RBM33: variants seen among roughly 807,000 people sequenced by gnomAD.
RBM33 encodes RNA-binding protein 33.
A neutral mutation model predicts 132.6 loss-of-function variants in RBM33; 28 were observed. The ratio of observed to expected loss-of-function variants is 0.21; its 90% CI spans 0.16 to 0.29. RBM33 has a LOEUF of 0.29. Among genes scored for constraint, RBM33 ranks in the 10% least tolerant of loss-of-function variants. RBM33 has a pLI of 1.00. For synonymous variants in RBM33, 634 were observed against 593.0 expected (o/e 1.07, Z -1.01); for missense variants, 1,291 against 1,518.5 (o/e 0.85, Z 2.49).
Position 155,666,176 on chromosome 7 carries a change from C to T in RBM33, c.122+923C>T, listed in dbSNP as rs182733598. Among the ~76,000 whole-genome samples, 769 of 152,278 alleles carry T rather than the reference C, an allele frequency of 5.0e-3. 3 individuals carry two copies. The highest frequency in any genetic ancestry group is 7.5e-3 in the Non-Finnish European group (510 of 68,016). On this transcript the variant is annotated intron_variant, in intron 2 of 17. Transcript: ENST00000401878. ...CGTGATTATGGAGACTGAGAAGTTA[C>T]ACGGTCTGTAGAATGGTGTAGTTCC...
At chr7:155,730,105 G>T (rs62482828) in intron 9 of RBM33, among the ~76,000 whole-genome samples, 1 of 152,320 alleles carries the variant, frequency 6.6e-6, no homozygotes, top group South Asian at 2.1e-4. Context: ...ATGACCGCCT[G>T]TGTGCCAGGC....
chr7:155,673,416 G>GA (rs1799004145), intron 3 of RBM33, among the ~76,000 whole-genome samples: 1 of 148,218 alleles, frequency 6.7e-6, no homozygotes, highest in Non-Finnish European at 1.5e-5. Context: ...GTGTGTGTGT[G>GA]TGTGTGTGTG....
At position 155,766,575 on chromosome 7, in the gene RBM33, G is replaced by C. The variant is rs781533270; in HGVS notation, c.3295G>C (p.Val1099Leu). The C allele has an allele frequency of 5.0e-5, 81 of 1,613,088 alleles. 1 individual carries two copies. The Admixed American group carries it at 1.3e-3, about 27-fold the overall frequency. The change falls in exon 16 of 18, where the codon GTG (valine) becomes CTG (leucine). Residue 1099 changes from valine to leucine, a missense_variant. This residue lies in a region of RBM33 where 55 missense variants were observed against 101.4 expected (regional missense o/e 0.54). Transcript: ENST00000401878. ...GGTGGAGTGCAAGCCCCAGCCCTGC[G>C]TGGTGTCTGTGGAGGGGCTGTCCTC... The part of the protein sequence containing the change: ...RVVECKPQPC[V>L]VSVEGLSSST...
intron 13 of RBM33, among the ~76,000 whole-genome samples, 181 bp from the exon 14 acceptor site, chr7:155,744,780 G>GTTT (rs67693680): frequency 2.0e-5 from 3 of 151,952 alleles, no homozygotes; most frequent in Non-Finnish European, 4.4e-5. Context: ...TAGCTGTGTG[G>GTTT]TTTTTTTCCC....
At chr7:155,769,670 C>A (rs1271135074) in intron 16 of RBM33, among the ~76,000 whole-genome samples, 6 of 152,056 alleles carry the variant, frequency 3.9e-5, no homozygotes, top group Non-Finnish European at 1.5e-5. Context: ...AAGTGGATCA[C>A]CGAGAAGACA....
intron 1 of RBM33, among the ~76,000 whole-genome samples, chr7:155,653,055 A>G (rs1585396526): frequency 6.6e-6 from 1 of 152,162 alleles, no homozygotes; most frequent in African/African-American, 2.4e-5. Context: ...AGGCTAAATA[A>G]TATTCCATTA....
chr7:155,679,497 G>GGA (rs1799278464), intron 4 of RBM33, among the ~76,000 whole-genome samples: 1 of 80,948 alleles, frequency 1.2e-5, no homozygotes, highest in Non-Finnish European at 3.1e-5. Flanking sequence ...TATTAAAAGA[G>GGA]GAGAGACACA....
At chr7:155,647,823 TTA>T (rs1798244670) in intron 1 of RBM33, among the ~76,000 whole-genome samples, 1 of 152,222 alleles carries the variant, frequency 6.6e-6, no homozygotes, top group South Asian at 2.1e-4. Flanking sequence ...CAACTGTTAT[TTA>T]TTGGAGACTG....
At position 155,738,361 on chromosome 7, in the gene RBM33, A is replaced by G; in HGVS notation, c.1695A>G (p.Pro565=). 6.2e-7 allele frequency: 1 copy of G among 1,613,944 alleles called. No homozygotes were observed. Among genetic ancestry groups the G allele is most frequent in the Non-Finnish European group, 8.5e-7 (1 of 1,179,836 alleles). ...IPPRQPFLPG[P]GQPFLPTHTQ... is the part of the protein sequence containing the mutation. ...CTAGACAGCCGTTCCTGCCAGGCCC[A>G]GGACAGCCGTTTCTGCCCACACACA... The change falls in exon 11 of 18, where the codon CCA becomes CCG. Residue 565 remains proline, a synonymous_variant. Transcript: ENST00000401878.
chr7:155,738,547 A>G (rs1678336277), intron 11 of RBM33, 144 bp downstream of exon 11: 3 of 824,412 alleles, frequency 3.6e-6, no homozygotes, highest in Non-Finnish European at 3.6e-6. Flanking sequence ...ACTGTTTGTT[A>G]AAGACAACTT....
chr7:155,677,483 T>G (rs1799217704), intron 3 of RBM33, among the ~76,000 whole-genome samples: 1 of 152,228 alleles, frequency 6.6e-6, no homozygotes. Flanking sequence ...GTGTTGGGAT[T>G]ACAGGCATGA....
rs577102558 is a variant in RBM33 at position 155,666,253 on chromosome 7, A to G, written c.122+1000A>G. On this transcript the variant is annotated intron_variant, in intron 2 of 17. Coordinates refer to ENST00000401878, the MANE Select transcript of RBM33 (RefSeq NM_053043.3). The stretch of plus-strand genomic sequence containing the variant: ...AGGGGAGCCAGTCATGGAAGTCCCT[A>G]TCTGAGCCTGGAGGCCTGAGAACCA... 5.3e-5 allele frequency among the ~76,000 whole-genome samples: 8 copies of G among 152,310 alleles called. No individual in the cohort carries two copies. The Middle Eastern group carries it at 0.01, about 194-fold the overall frequency.
rs1199898678 is a variant in RBM33 at position 155,677,358 on chromosome 7, C to G, written c.172-1250C>G. ...CGAGTAGCTGGGACTACAGGCGCCC[C>G]TCACCACGCCTGGCTAATTTTTTGT... On this transcript the variant is annotated intron_variant, in intron 3 of 17. Transcript: ENST00000401878. 4.6e-5 allele frequency among the ~76,000 whole-genome samples: 7 copies of G among 152,060 alleles called. No homozygotes were observed. The South Asian group carries it at 1.0e-3, about 23-fold the overall frequency.
chr7:155,760,671 TA>T (rs1765424919), intron 14 of RBM33, among the ~76,000 whole-genome samples: 1 of 152,246 alleles, frequency 6.6e-6, no homozygotes. Flanking sequence ...ATGTGGTATA[TA>T]TTTTTAAATT....
At chr7:155,751,843 C>T (rs1801695600) in intron 14 of RBM33, among the ~76,000 whole-genome samples, 1 of 152,110 alleles carries the variant, frequency 6.6e-6, no homozygotes, top group Admixed American at 6.5e-5. Flanking sequence ...ATGTAAATAT[C>T]CCATTTCTGA....
intron 14 of RBM33, among the ~76,000 whole-genome samples, chr7:155,754,550 CT>C (rs1801786351): frequency 6.6e-6 from 1 of 152,206 alleles, no homozygotes; most frequent in Admixed American, 6.5e-5. Context: ...TAATCCTTTA[CT>C]TTTTAGACTG....
intron 5 of RBM33, among the ~76,000 whole-genome samples, chr7:155,700,469 G>C (rs963780346): frequency 6.7e-6 from 1 of 149,586 alleles, no homozygotes; most frequent in Non-Finnish European, 1.5e-5. Flanking sequence ...GGAATTTTTG[G>C]AATTTGTTTA....
intron 14 of RBM33, among the ~76,000 whole-genome samples, chr7:155,749,240 A>G (rs953027714): frequency 9.9e-5 from 15 of 152,202 alleles, no homozygotes; most frequent in Admixed American, 9.2e-4. Flanking sequence ...TCTTTGTAGA[A>G]TGCTTCTAAG....
At chr7:155,720,701 G>A (rs1292182507) in intron 9 of RBM33, among the ~76,000 whole-genome samples, 1 of 152,168 alleles carries the variant, frequency 6.6e-6, no homozygotes, top group Non-Finnish European at 1.5e-5. Context: ...TAAAATTTAA[G>A]AATAGTGAAG....
Sources: allele counts gnomAD v4.1 joint callset (sites outside exome capture counted in the v4.1 genomes callset), GRCh38; gene constraint gnomAD v4.1.1; regional missense constraint gnomAD v4.1.1; transcripts MANE v1.5; gene names NCBI Gene and HGNC (gene_info 2026-07-23, HGNC 2026-07-21).